The following DOCK8 variants were observed in gnomAD, a reference collection of about 807,000 sequenced individuals.
DOCK8 encodes dedicator of cytokinesis 8.
DOCK8 carries 141 observed loss-of-function variants against 245.6 expected under a neutral mutation model. That is an observed-to-expected ratio of 0.57 (90% CI 0.50 to 0.66). The LOEUF (loss-of-function observed/expected upper bound fraction) is 0.66. Ranked by LOEUF, DOCK8 falls within the 30% of genes least tolerant of loss-of-function variation. DOCK8 has a pLI of 0.00. For synonymous variants in DOCK8, 1,168 were observed against 970.2 expected, an observed-to-expected ratio of 1.20 and a Z score of -3.79; for missense variants, 2,965 against 2,603.4, an observed-to-expected ratio of 1.14 and a Z score of -3.02.
At chr9:407,570 C>T (rs969687096) in intron 28 of DOCK8, among the ~76,000 whole-genome samples, 2 of 152,140 alleles carry the variant, frequency 1.3e-5, no homozygotes, top group Non-Finnish European at 2.9e-5. Context: ...AATCCTTTTA[C>T]CTCTTATCTA....
intron 4 of DOCK8, among the ~76,000 whole-genome samples, chr9:298,996 A>T (rs546038822): frequency 3.8e-4 from 58 of 152,132 alleles, no homozygotes; most frequent in Non-Finnish European, 5.1e-4. Context: ...TGTTAGATAA[A>T]TTCTTTGGTA....
Position 443,667 on chromosome 9 carries a change from G to C in DOCK8, c.5580+151G>C, listed in dbSNP as rs138088546. ...CTAGAGTTCAACTACTAATTGGTCA[G>C]ATCTTAAAGAAAATATAGTCAAAGG... On this transcript the variant is annotated intron_variant, in intron 43 of 47. Coordinates refer to ENST00000432829, the MANE Select transcript of DOCK8 (RefSeq NM_203447.4). 775 of 646,772 alleles carry C rather than the reference G, an allele frequency of 1.2e-3. 5 individuals carry two copies. The African/African-American group carries it at 0.013, about 10-fold the overall frequency. 40.1% of individuals were successfully genotyped at this position (646,772 alleles called of 1,614,324 possible). A position where few individuals can be genotyped will look rare whatever the true frequency, so the allele number is the denominator to read the frequency against.
chr9:256,315 G>C (rs760588839), intron 1 of DOCK8, among the ~76,000 whole-genome samples: 3 of 152,184 alleles, frequency 2.0e-5, no homozygotes, highest in Non-Finnish European at 2.9e-5. Context: ...AGTGAGCATC[G>C]ATATGCCAAT....
intron 10 of DOCK8, among the ~76,000 whole-genome samples, chr9:333,457 C>T (rs541743332): frequency 3.9e-4 from 59 of 152,182 alleles, no homozygotes; most frequent in African/African-American, 6.5e-4. Flanking sequence ...AAAAATTAGC[C>T]GGGCATGGTG....
At position 429,852 on chromosome 9, in the gene DOCK8, A is replaced by G; in HGVS notation, c.4624A>G (p.Ser1542Gly). 1 of 1,614,154 alleles carries G rather than the reference A, an allele frequency of 6.2e-7. No homozygotes were observed. The highest frequency in any genetic ancestry group is 8.5e-7 in the Non-Finnish European group (1 of 1,180,016). Residue 1542 changes from serine to glycine, a missense_variant and splice_region_variant, in exon 36 of 48, where the codon AGT becomes GGT. Ser to Gly is a moderately conservative substitution (Grantham distance 56, BLOSUM62 0). This residue lies in a region of DOCK8 where 2,825 missense variants were observed against 2,453.5 expected (regional missense o/e 1.15). Transcript: ENST00000432829. The part of the protein sequence containing the change: ...LLMRFSFGAT[S>G]NFARVKMQVT... ...CATGAGGTTCAGTTTTGGAGCCACC[A>G]GTGTAAGAGTTCAAACCAGCTGAGT...
intron 1 of DOCK8, chr9:215,253 G>A: frequency 6.3e-7 from 1 of 1,595,752 alleles, no homozygotes; most frequent in Non-Finnish European, 8.5e-7. Flanking sequence ...GAATCTCGGT[G>A]CTCCTGGATG....
At chr9:239,346 G>C (rs1446543850) in intron 1 of DOCK8, among the ~76,000 whole-genome samples, 3 of 152,200 alleles carry the variant, frequency 2.0e-5, no homozygotes, top group African/African-American at 7.2e-5. Context: ...AGATATGGTA[G>C]ATACATATGA....
rs564624117 is a variant in DOCK8, at chr9:289,459, T to C, written c.333-51T>C. ...TCCTTGCTCATGATTAGGGGTTGTT[T>C]TGTTGTTTTACCCAGTAATAACGTG... On this transcript the variant is annotated intron_variant, in intron 3 of 47. Coordinates refer to ENST00000432829, the MANE Select transcript of DOCK8 (RefSeq NM_203447.4). 15 of 1,459,700 alleles carry C rather than the reference T, an allele frequency of 1.0e-5. No homozygotes were observed. The South Asian group carries it at 1.7e-4, about 17-fold the overall frequency. The allele number at this position is 1,459,700 out of a possible 1,614,324, so 90.4% of individuals were successfully genotyped here.
At chr9:222,717 C>G (rs1269080739) in intron 1 of DOCK8, among the ~76,000 whole-genome samples, 1 of 152,200 alleles carries the variant, frequency 6.6e-6, no homozygotes, top group Non-Finnish European at 1.5e-5. Flanking sequence ...GTGAGAACTT[C>G]TATCCTTTTT....
intron 2 of DOCK8, among the ~76,000 whole-genome samples, chr9:274,032 C>G (rs1292961445): frequency 6.6e-6 from 1 of 152,106 alleles, no homozygotes; most frequent in Non-Finnish European, 1.5e-5. Flanking sequence ...ATGCCACAGC[C>G]TTAAATTTTC....
In DOCK8 at chr9:420,482, G is replaced by C; in HGVS notation, c.3922G>C (p.Asp1308His). The part of the protein sequence containing the change: ...ICFLWIMKNA[D>H]QSLIRKWIAD... ...CTTCCTCTGGATCATGAAAAATGCTGATCAGAGCCTCATTAGGAAGTGGAT... is the reference window on the plus strand; with the variant it reads ...CTTCCTCTGGATCATGAAAAATGCTCATCAGAGCCTCATTAGGAAGTGGAT... Residue 1308 changes from aspartate to histidine, a missense_variant, in exon 31 of 48, where the codon GAT (aspartate) becomes CAT (histidine). Physicochemically the swap from Asp to His is moderately conservative, Grantham distance 81. Transcript: ENST00000432829. 1 of 1,614,124 alleles carries C rather than the reference G, an allele frequency of 6.2e-7. No individual in the cohort carries two copies. Among genetic ancestry groups the C allele is most frequent in the Non-Finnish European group, 8.5e-7 (1 of 1,180,032 alleles).
chr9:307,694 TC>T (rs2049911711), intron 5 of DOCK8, among the ~76,000 whole-genome samples: 1 of 151,982 alleles, frequency 6.6e-6, no homozygotes, highest in Admixed American at 6.6e-5. Flanking sequence ...GATCATATGA[TC>T]CAGCAGTCTC....
intron 17 of DOCK8, 86 bp downstream of exon 17, chr9:371,652 A>G: frequency 6.4e-7 from 1 of 1,571,250 alleles, no homozygotes; most frequent in East Asian, 2.3e-5. Context: ...AATTCTATTC[A>G]CTTGATTTTT....
chr9:264,403 C>A (rs2047989925), intron 1 of DOCK8, among the ~76,000 whole-genome samples: 1 of 152,182 alleles, frequency 6.6e-6, no homozygotes, highest in Non-Finnish European at 1.5e-5. Flanking sequence ...CCATGCCTTC[C>A]AAATAAGGGG....
intron 24 of DOCK8, among the ~76,000 whole-genome samples, chr9:391,357 T>A (rs1389048109): frequency 2.0e-5 from 3 of 152,156 alleles, no homozygotes; most frequent in Non-Finnish European, 4.4e-5. Context: ...GCGGTTAGAT[T>A]TTCAGGATTT....
chr9:418,665 G>A (rs2056141028), intron 30 of DOCK8, among the ~76,000 whole-genome samples: 1 of 152,218 alleles, frequency 6.6e-6, no homozygotes, highest in Admixed American at 6.5e-5. Context: ...GCTGGCAGCT[G>A]AGGTGCACAC....
At chr9:402,360 A>G (rs1254070162) in intron 26 of DOCK8, among the ~76,000 whole-genome samples, 2 of 152,160 alleles carry the variant, frequency 1.3e-5, no homozygotes, top group Non-Finnish European at 1.5e-5. Flanking sequence ...CTGGGACACC[A>G]TTAATTACTT....
chr9:323,082 A>G (rs1295803901), intron 7 of DOCK8, among the ~76,000 whole-genome samples: 1 of 146,608 alleles, frequency 6.8e-6, no homozygotes, highest in East Asian at 1.9e-4. Context: ...GACAAGAGCA[A>G]AACTCCATCT....
At chr9:332,530 T>G (rs779937394) in intron 10 of DOCK8, 52 bp downstream of exon 10, 3 of 1,335,148 alleles carry the variant, frequency 2.2e-6, no homozygotes, top group Non-Finnish European at 3.2e-6. Flanking sequence ...GAAGCAGGTA[T>G]TTTCAGAAGT....
Sources: gnomAD v4.1 joint callset for allele counts (sites outside exome capture counted in the v4.1 genomes callset) on GRCh38, gnomAD v4.1.1 for gene constraint, gnomAD v4.1.1 regional missense constraint, MANE v1.5 for transcripts, NCBI Gene and HGNC (gene_info 2026-07-23, HGNC 2026-07-21) for gene names.